The following CADM1 variants were observed in gnomAD, a reference collection of about 807,000 sequenced individuals.
CADM1 encodes cell adhesion molecule 1, also known as TSLC-1.
CADM1 carries 15 observed loss-of-function variants against 53.1 expected under a neutral mutation model. The ratio of observed to expected loss-of-function variants is 0.28; its 90% CI spans 0.19 to 0.44. The LOEUF is 0.44. CADM1 is among the 20% of genes least tolerant of loss of function. The pLI is 1.00. For synonymous variants in CADM1, 281 were observed against 243.0 expected (o/e 1.16, Z -1.45); for missense variants, 434 against 611.3 (o/e 0.71, Z 3.06).
intron 1 of CADM1, among the ~76,000 whole-genome samples, chr11:115,491,173 A>G (rs1490149197): frequency 6.6e-6 from 1 of 152,216 alleles, no homozygotes; most frequent in African/African-American, 2.4e-5. Flanking sequence ...AAGACAGCCG[A>G]TCAGAAGCAA....
intron 1 of CADM1, among the ~76,000 whole-genome samples, chr11:115,364,451 G>T (rs369332247): frequency 1.3e-5 from 2 of 152,092 alleles, no homozygotes; most frequent in African/African-American, 4.8e-5. Flanking sequence ...GGAAACACCT[G>T]GACTTGGTCT....
chr11:115,181,280 G>T (rs1242268244), intron 10 of CADM1, among the ~76,000 whole-genome samples: 1 of 152,120 alleles, frequency 6.6e-6, no homozygotes, highest in Non-Finnish European at 1.5e-5. Flanking sequence ...AATTTCTTGA[G>T]CCGAAACTCC....
In CADM1 at chr11:115,178,655, G is replaced by C; in HGVS notation, c.1286C>G (p.Ala429Gly). ...GAAGCTTTGCTTACCTTTATGTCTG[G>C]CAAAATAGCGCCCCAGAATGATGAG... ...CLLIILGRYF[A>G]RHKGTYFTHE... Residue 429 changes from alanine (A) to glycine (G), a missense_variant, in exon 11 of 12, where the codon GCC (alanine) becomes GGC (glycine). This residue lies in a region of CADM1 where 311 missense variants were observed against 435.1 expected (regional missense o/e 0.71). Coordinates refer to ENST00000331581, the MANE Select transcript of CADM1 (RefSeq NM_001301043.2). The C allele has an allele frequency of 6.2e-7, 1 of 1,613,052 alleles. No individual in the cohort carries two copies. The highest frequency in any genetic ancestry group is 8.5e-7 in the Non-Finnish European group (1 of 1,179,968).
At chr11:115,282,592 T>C (rs1206645140) in intron 1 of CADM1, among the ~76,000 whole-genome samples, 2 of 152,126 alleles carry the variant, frequency 1.3e-5, no homozygotes, top group Non-Finnish European at 2.9e-5. Flanking sequence ...TCTAGGAAAG[T>C]GTTGGCAATT....
chr11:115,402,422 C>G (rs1405410351), intron 1 of CADM1, among the ~76,000 whole-genome samples: 1 of 152,100 alleles, frequency 6.6e-6, no homozygotes. Flanking sequence ...ACTCAGGAGG[C>G]TGAGGCAGAA....
At chr11:115,223,195 T>C (rs1221814224) in intron 5 of CADM1, among the ~76,000 whole-genome samples, 2 of 152,170 alleles carry the variant, frequency 1.3e-5, no homozygotes, top group African/African-American at 2.4e-5. Flanking sequence ...CAGAATATAA[T>C]TTTGTTTTTC....
intron 1 of CADM1, among the ~76,000 whole-genome samples, chr11:115,282,971 T>C (rs186299041): frequency 7.2e-5 from 11 of 152,278 alleles, no homozygotes; most frequent in African/African-American, 2.6e-4. Context: ...AATGGCCCCA[T>C]GAATCCATCT....
intron 1 of CADM1, among the ~76,000 whole-genome samples, chr11:115,415,866 A>G (rs1166830666): frequency 2.0e-5 from 3 of 147,220 alleles, no homozygotes; most frequent in African/African-American, 7.4e-5. Context: ...TTTGATTCTA[A>G]GTGGGATAAT....
rs760496607 is a variant in CADM1, at chr11:115,307,508, G to GAAAA, written c.125-67092_125-67089dup. 1.8e-3 allele frequency among the ~76,000 whole-genome samples: 255 copies of GAAAA among 143,028 alleles called. 2 individuals carry two copies. The highest frequency in any genetic ancestry group is 6.0e-3 in the African/African-American group (233 of 38,772). 93.8% of individuals were successfully genotyped at this position (143,028 alleles called of 152,430 possible). On this transcript the variant is annotated intron_variant, in intron 1 of 11. Coordinates refer to ENST00000331581, the MANE Select transcript of CADM1 (RefSeq NM_001301043.2). ...ATGAATTTTCAACTATTTAAGCCAG[G>GAAAA]AAAAAAAAAATATATATATATATAT... is the stretch of plus-strand genomic sequence containing the variant.
chr11:115,169,426 C>T lies in CADM1; in HGVS notation c.*7048G>A, dbSNP rs1365413046. On this transcript the variant is annotated 3_prime_UTR_variant, in exon 12 of 12. Transcript: ENST00000331581. ...TTAAGAATCAAGCCATCAAGAACAG[C>T]TGTGAATGTTATACAATTTCAGCAG... 5.4e-6 allele frequency: 2 copies of T among 369,582 alleles called. No homozygotes were observed. Among genetic ancestry groups the T allele is most frequent in the African/African-American group, 4.2e-5 (2 of 47,128 alleles). The allele number at this position is 369,582 out of a possible 1,614,324, so 22.9% of individuals were successfully genotyped here.
At chr11:115,445,836 CCTGT>C in intron 1 of CADM1, 3 of 436,796 alleles carry the variant, frequency 6.9e-6, no homozygotes, top group South Asian at 3.2e-5. Context: ...TGAAGTGAGA[CCTGT>C]CAAAAAAGAA....
chr11:115,214,901 A>T, intron 6 of CADM1, 121 bp from the exon 7 acceptor site: 1 of 1,041,490 alleles, frequency 9.6e-7, no homozygotes, highest in Non-Finnish European at 1.5e-6. Flanking sequence ...AAGTTCACAG[A>T]ATTACAACTG....
chr11:115,443,895 T>C (rs1332417468), intron 1 of CADM1, among the ~76,000 whole-genome samples: 1 of 152,196 alleles, frequency 6.6e-6, no homozygotes, highest in African/African-American at 2.4e-5. Context: ...GGAGCACGAC[T>C]TTTGGGGATA....
intron 1 of CADM1, among the ~76,000 whole-genome samples, chr11:115,492,900 T>C (rs542433503): frequency 5.7e-4 from 86 of 151,464 alleles, no homozygotes; most frequent in African/African-American, 2.0e-3. Flanking sequence ...AAAATTCACA[T>C]ATAACTTTTT....
At chr11:115,478,245 C>T (rs1317323619) in intron 1 of CADM1, among the ~76,000 whole-genome samples, 1 of 151,524 alleles carries the variant, frequency 6.6e-6, no homozygotes, top group Non-Finnish European at 1.5e-5. Context: ...ATGCTTTAAA[C>T]AAAAGACAAA....
intron 1 of CADM1, among the ~76,000 whole-genome samples, chr11:115,427,481 T>C (rs977026878): frequency 6.6e-6 from 1 of 152,172 alleles, no homozygotes; most frequent in African/African-American, 2.4e-5. Flanking sequence ...ATTTTACGTT[T>C]ATGCCTCTAT....
intron 5 of CADM1, 100 bp downstream of exon 5, chr11:115,229,013 T>C (rs1445330759): frequency 2.8e-6 from 3 of 1,066,276 alleles, no homozygotes; most frequent in South Asian, 1.3e-5. Context: ...AAGAATTCTA[T>C]GTATACTATA....
At chr11:115,271,400 A>T (rs757443563) in intron 1 of CADM1, among the ~76,000 whole-genome samples, 3 of 152,084 alleles carry the variant, frequency 2.0e-5, no homozygotes, top group Non-Finnish European at 4.4e-5. Flanking sequence ...CTCCTGCCTC[A>T]GCCTCCCGAG....
intron 1 of CADM1, among the ~76,000 whole-genome samples, chr11:115,395,931 A>C (rs1489712082): frequency 6.6e-6 from 1 of 152,228 alleles, no homozygotes; most frequent in Non-Finnish European, 1.5e-5. Flanking sequence ...TTTAAGGTAC[A>C]TGCATTCCAT....
Sources: allele counts gnomAD v4.1 joint callset (sites outside exome capture counted in the v4.1 genomes callset), GRCh38; gene constraint gnomAD v4.1.1; regional missense constraint gnomAD v4.1.1; transcripts MANE v1.5; gene names NCBI Gene and HGNC (gene_info 2026-07-23, HGNC 2026-07-21).